Variants in SLC4A10 observed in about 807,000 individuals in gnomAD.
SLC4A10 encodes solute carrier family 4 member 10.
Under a neutral mutation model 137.7 loss-of-function variants are expected in SLC4A10, and 42 were observed. The ratio of observed to expected loss-of-function variants is 0.30; its 90% confidence interval spans 0.24 to 0.39. SLC4A10 has a LOEUF of 0.39. Among genes scored for constraint, SLC4A10 ranks in the 10% least tolerant of loss-of-function variants. The probability of loss-of-function intolerance (pLI) is 1.00; values close to 1 mark genes in which losing one functional copy is unlikely to be tolerated. For missense variants in SLC4A10, 925 were observed against 1,355.0 expected, an observed-to-expected ratio of 0.68 and a Z score of 4.98; for synonymous variants, 474 against 464.1, an observed-to-expected ratio of 1.02 and a Z score of -0.27.
chr2:161,951,811 TTAATAA>T (rs1157827663), intron 19 of SLC4A10, among the ~76,000 whole-genome samples: 1 of 152,116 alleles, frequency 6.6e-6, no homozygotes, highest in Non-Finnish European at 1.5e-5. Context: ...GCCATTACTT[TTAATAA>T]TAATAATTAC....
chr2:161,862,457 A>G (rs553306264), intron 5 of SLC4A10, among the ~76,000 whole-genome samples: 2 of 152,246 alleles, frequency 1.3e-5, no homozygotes, highest in Non-Finnish European at 2.9e-5. Context: ...TTTCAAATTC[A>G]AACACGTTAT....
chr2:161,712,147 G>T (rs2044360675), intron 1 of SLC4A10, among the ~76,000 whole-genome samples: 1 of 151,840 alleles, frequency 6.6e-6, no homozygotes, highest in Non-Finnish European at 1.5e-5. Flanking sequence ...TGCTATATCT[G>T]ATTCAATTCT....
At chr2:161,806,337 C>T (rs1024206611) in intron 3 of SLC4A10, among the ~76,000 whole-genome samples, 1 of 152,150 alleles carries the variant, frequency 6.6e-6, no homozygotes, top group African/African-American at 2.4e-5. Flanking sequence ...TGGGGATTAA[C>T]ATTTGGCTCC....
intron 16 of SLC4A10, among the ~76,000 whole-genome samples, chr2:161,947,114 C>T (rs1391450797): frequency 6.6e-6 from 1 of 152,054 alleles, no homozygotes; most frequent in Non-Finnish European, 1.5e-5. Flanking sequence ...GCTTCAGTTT[C>T]CTCAGACATG....
intron 2 of SLC4A10, among the ~76,000 whole-genome samples, chr2:161,776,794 A>G (rs537548800): frequency 2.0e-5 from 3 of 151,524 alleles, no homozygotes; most frequent in South Asian, 2.1e-4. Context: ...TGGCTGCACC[A>G]TTTTACATTC....
rs143682381 is a variant in SLC4A10, at chr2:161,816,929, G to A, written c.277+12334G>A. Among the ~76,000 whole-genome samples the A allele has an allele frequency of 4.6e-3, 693 of 152,104 alleles. 5 individuals carry two copies. The highest frequency in any genetic ancestry group is 0.015 in the African/African-American group (624 of 41,462). Reference sequence around the variant, plus strand: ...AGTCTTTGCTATTCTGAATAGTGCCGCAATAAACATACATGTGCATGTGTC... The same window carrying A: ...AGTCTTTGCTATTCTGAATAGTGCCACAATAAACATACATGTGCATGTGTC... On this transcript the variant is annotated intron_variant, in intron 3 of 26. Transcript: ENST00000446997.
At chr2:161,840,478 A>C (rs532694336) in intron 4 of SLC4A10, among the ~76,000 whole-genome samples, 1 of 152,316 alleles carries the variant, frequency 6.6e-6, no homozygotes, top group South Asian at 2.1e-4. Flanking sequence ...TTACATTGCT[A>C]TATAATTGAT....
intron 26 of SLC4A10, 47 bp from the exon 27 acceptor site, chr2:161,983,132 C>A (rs948767648): frequency 6.7e-7 from 1 of 1,500,502 alleles, no homozygotes; most frequent in Admixed American, 2.0e-5. Flanking sequence ...GTCATAGTAG[C>A]CATGCTGGAT....
intron 1 of SLC4A10, among the ~76,000 whole-genome samples, chr2:161,768,883 T>C (rs2051218259): frequency 6.6e-6 from 1 of 152,004 alleles, no homozygotes; most frequent in Non-Finnish European, 1.5e-5. Flanking sequence ...TTGTAATACC[T>C]GACCCACAGA....
At chr2:161,846,181 C>T (rs1005735666) in intron 4 of SLC4A10, among the ~76,000 whole-genome samples, 1 of 151,942 alleles carries the variant, frequency 6.6e-6, no homozygotes, top group African/African-American at 2.4e-5. Context: ...AGACATTTCA[C>T]CAAAGAAGAG....
intron 1 of SLC4A10, among the ~76,000 whole-genome samples, chr2:161,630,850 T>C (rs1323076709): frequency 4.0e-5 from 6 of 151,716 alleles, no homozygotes; most frequent in African/African-American, 1.4e-4. Flanking sequence ...GTATAAATTA[T>C]CCAAGTTCAC....
chr2:161,651,971 CA>C (rs2036867356), intron 1 of SLC4A10, among the ~76,000 whole-genome samples: 1 of 152,208 alleles, frequency 6.6e-6, no homozygotes, highest in Non-Finnish European at 1.5e-5. Flanking sequence ...ATTGACACCC[CA>C]AAGATCCTGT....
Position 161,976,871 on chromosome 2 carries a change from C to A in SLC4A10, c.3339C>A (p.Ser1113=). The stretch of plus-strand genomic sequence containing the variant: ...AAGATAAGGAGTCAAGCTTTCCTTC[C>A]AAAAGGTTTGGATTTTAAAATAATG... The part of the protein sequence containing the change: ...NSKDKESSFP[S]KSSPS The change falls in exon 25 of 27, where the codon TCC becomes TCA. Residue 1113 remains serine (S), a synonymous_variant. Transcript: ENST00000446997. 1 of 1,562,074 alleles carries A rather than the reference C, an allele frequency of 6.4e-7. No homozygotes were observed. Among genetic ancestry groups the A allele is most frequent in the Non-Finnish European group, 8.7e-7 (1 of 1,149,556 alleles).
intron 17 of SLC4A10, among the ~76,000 whole-genome samples, chr2:161,948,409 A>C (rs1694218262): frequency 6.6e-6 from 1 of 152,140 alleles, no homozygotes; most frequent in South Asian, 2.1e-4. Flanking sequence ...TTTCTTCTCT[A>C]AGGTGGAAGA....
intron 1 of SLC4A10, among the ~76,000 whole-genome samples, chr2:161,661,346 A>G (rs896760349): frequency 2.6e-5 from 4 of 152,142 alleles, no homozygotes; most frequent in Non-Finnish European, 5.9e-5. Context: ...GTGGTGGCGC[A>G]CGCCTGTAGT....
At chr2:161,701,440 A>T (rs1192936775) in intron 1 of SLC4A10, among the ~76,000 whole-genome samples, 2 of 151,988 alleles carry the variant, frequency 1.3e-5, no homozygotes, top group Admixed American at 1.3e-4. Context: ...ATTTAAAAAT[A>T]ATTGTAATTG....
intron 1 of SLC4A10, among the ~76,000 whole-genome samples, chr2:161,672,815 A>C (rs1031075455): frequency 1.3e-5 from 2 of 152,320 alleles, no homozygotes; most frequent in Admixed American, 1.3e-4. Flanking sequence ...TTCAAGTATA[A>C]TGATGTGAAT....
At chr2:161,842,700 G>T (rs568157043) in intron 4 of SLC4A10, among the ~76,000 whole-genome samples, 1 of 152,134 alleles carries the variant, frequency 6.6e-6, no homozygotes, top group Non-Finnish European at 1.5e-5. Flanking sequence ...AAGATTAAGA[G>T]ACTTCTACCT....
chr2:161,658,821 C>T (rs555842658), intron 1 of SLC4A10, among the ~76,000 whole-genome samples: 1 of 152,118 alleles, frequency 6.6e-6, no homozygotes, highest in South Asian at 2.1e-4. Context: ...AAACTCCTGA[C>T]CTCAAGTGAT....
Sources: allele counts gnomAD v4.1 joint callset (sites outside exome capture counted in the v4.1 genomes callset), GRCh38; gene constraint gnomAD v4.1.1; transcripts MANE v1.5; gene names NCBI Gene and HGNC (gene_info 2026-07-23, HGNC 2026-07-21).